Variants in ASCC3 observed in about 807,000 individuals in gnomAD.
ASCC3 encodes activating signal cointegrator 1 complex subunit 3, also known as ASC-1 complex subunit P200.
Under a neutral mutation model 256.3 loss-of-function variants are expected in ASCC3, and 158 were observed. That is an observed-to-expected ratio of 0.62 (90% CI 0.54 to 0.70). The LOEUF (loss-of-function observed/expected upper bound fraction) is 0.70. Among genes scored for constraint, ASCC3 ranks in the 30% least tolerant of loss-of-function variants. ASCC3 has a pLI of 0.00. For missense variants in ASCC3, 2,259 were observed against 2,626.0 expected, an observed-to-expected ratio of 0.86 and a Z score of 3.05; for synonymous variants, 948 against 883.4, an observed-to-expected ratio of 1.07 and a Z score of -1.30.
intron 8 of ASCC3, among the ~76,000 whole-genome samples, chr6:100,770,836 A>T (rs962808162): frequency 1.5e-5 from 2 of 137,818 alleles, no homozygotes; most frequent in African/African-American, 5.5e-5. Flanking sequence ...AAAATTCTTA[A>T]GATGTCTTTT....
intron 4 of ASCC3, among the ~76,000 whole-genome samples, chr6:100,836,648 C>G (rs1199209049): frequency 1.3e-5 from 2 of 151,990 alleles, no homozygotes; most frequent in Non-Finnish European, 1.5e-5. Flanking sequence ...ATTGCTAGTA[C>G]TTTGTTGAGA....
intron 37 of ASCC3, among the ~76,000 whole-genome samples, chr6:100,529,466 TTCAA>T (rs1053938426): frequency 2.0e-5 from 3 of 152,142 alleles, no homozygotes; most frequent in African/African-American, 7.2e-5. Flanking sequence ...GTTACAAATA[TTCAA>T]TCAAATTACC....
intron 10 of ASCC3, among the ~76,000 whole-genome samples, chr6:100,738,839 G>A (rs1562262581): frequency 2.0e-5 from 3 of 152,116 alleles, no homozygotes; most frequent in African/African-American, 7.2e-5. Flanking sequence ...GAAGCTTTTG[G>A]AATGAGACAA....
Position 100,652,834 on chromosome 6 carries a change from T to C in ASCC3, c.2879A>G (p.Lys960Arg). 1 of 1,613,954 alleles carries C rather than the reference T, an allele frequency of 6.2e-7. No homozygotes were observed. Among genetic ancestry groups the C allele is most frequent in the South Asian group, 1.1e-5 (1 of 91,076 alleles). ...REQLVIEVGR[K>R]LDKAQMIRFE... ...ACGAATCATCTGAGCTTTGTCTAGT[T>C]TTCGTCCAACTTCAATGACCAACTG... is the stretch of plus-strand genomic sequence containing the variant. Residue 960 changes from lysine to arginine, a missense_variant, in exon 18 of 42, where the codon AAA (lysine) becomes AGA (arginine). Coordinates refer to ENST00000369162, the MANE Select transcript of ASCC3 (RefSeq NM_006828.4).
At chr6:100,749,154 G>A (rs751317240) in intron 10 of ASCC3, among the ~76,000 whole-genome samples, 3 of 151,974 alleles carry the variant, frequency 2.0e-5, no homozygotes, top group Admixed American at 6.6e-5. Context: ...CCTCTTCCCC[G>A]TCAAACAGTG....
intron 13 of ASCC3, among the ~76,000 whole-genome samples, chr6:100,706,910 A>G (rs769235483): frequency 7.9e-5 from 12 of 152,102 alleles, no homozygotes; most frequent in Non-Finnish European, 1.0e-4. Flanking sequence ...AGATGATTGC[A>G]TTAATGTAAA....
chr6:100,790,516 A>G (rs749810230), intron 8 of ASCC3, among the ~76,000 whole-genome samples: 18 of 152,054 alleles, frequency 1.2e-4, no homozygotes, highest in Admixed American at 2.6e-4. Flanking sequence ...ACCTGTAAAT[A>G]TCAAATATTT....
chr6:100,799,562 G>A lies in ASCC3; in HGVS notation c.1138C>T (p.Leu380Phe). Residue 380 changes from leucine (L) to phenylalanine (F), a missense_variant, in exon 7 of 42, where the codon CTT (leucine) becomes TTT (phenylalanine). Around this residue, in one of 2 missense-constraint regions of ASCC3, gnomAD observed 1,839 missense variants for 2,206.7 expected, o/e 0.83. Coordinates refer to ENST00000369162, the MANE Select transcript of ASCC3 (RefSeq NM_006828.4). ...ATTGGAACACTTCTAGCATTCAGAA[G>A]TGCCTGTTCTCTGTAAACATAAAAA... is the stretch of plus-strand genomic sequence containing the variant. ...KELRIQREQA[L>F]LNARSVPILS... 6.2e-7 allele frequency: 1 copy of A among 1,612,296 alleles called. No individual in the cohort carries two copies. Among genetic ancestry groups the A allele is most frequent in the South Asian group, 1.1e-5 (1 of 91,042 alleles).
In ASCC3 at chr6:100,518,195, C is replaced by A. The variant is rs1236791961; in HGVS notation, c.5776-53G>T. On this transcript the variant is annotated intron_variant, in intron 37 of 41. Coordinates refer to ENST00000369162, the MANE Select transcript of ASCC3 (RefSeq NM_006828.4). ...AGAATTATATCATGGTACTTGCCCC[C>A]TCCACTGGGATTCTGATGTTAGCTT... The A allele has an allele frequency of 3.8e-6, 6 of 1,592,726 alleles. No individual in the cohort carries two copies. The East Asian group carries it at 1.3e-4, about 36-fold the overall frequency.
chr6:100,748,371 C>T (rs528679067), intron 10 of ASCC3, among the ~76,000 whole-genome samples: 2 of 151,710 alleles, frequency 1.3e-5, no homozygotes, highest in Admixed American at 6.6e-5. Flanking sequence ...TTGTTGAAAG[C>T]GAATTATGTA....
At position 100,590,071 on chromosome 6, in the gene ASCC3, G is replaced by T; in HGVS notation, c.5304-12C>A. Reference sequence around the variant, plus strand: ...CCAAATTGTAATAGCTAGAAAACAAGCAAGGTTATTATTATTTGTTTCAAG... The same window carrying T: ...CCAAATTGTAATAGCTAGAAAACAATCAAGGTTATTATTATTTGTTTCAAG... On this transcript the variant is annotated splice_polypyrimidine_tract_variant and intron_variant, in intron 34 of 41. Transcript: ENST00000369162. The T allele has an allele frequency of 6.4e-7, 1 of 1,565,758 alleles. No individual in the cohort carries two copies. Among genetic ancestry groups the T allele is most frequent in the South Asian group, 1.1e-5 (1 of 90,058 alleles).
At chr6:100,868,342 C>T (rs1319547397) in intron 1 of ASCC3, among the ~76,000 whole-genome samples, 1 of 152,176 alleles carries the variant, frequency 6.6e-6, no homozygotes, top group Non-Finnish European at 1.5e-5. Flanking sequence ...AGAGATGAAA[C>T]CACCTGTTCA....
Position 100,606,746 on chromosome 6 carries a change from T to C in ASCC3, c.5038A>G (p.Ile1680Val), listed in dbSNP as rs1772907622. 6.3e-7 allele frequency: 1 copy of C among 1,598,280 alleles called. No individual in the cohort carries two copies. Among genetic ancestry groups the C allele is most frequent in the East Asian group, 2.2e-5 (1 of 44,610 alleles). The change falls in exon 32 of 42, where the codon ATT (isoleucine) becomes GTT (valine). Residue 1680 changes from isoleucine to valine, a missense_variant. Ile to Val is a conservative substitution (Grantham distance 29). Transcript: ENST00000369162. ...GKTRRYVDFP[I>V]TDVLQMMGRA... The stretch of plus-strand genomic sequence containing the variant: ...GTGAATTTAAGAAAATTACCTGTAA[T>C]GGGAAAATCCACATAACGTCTTGTT...
intron 36 of ASCC3, among the ~76,000 whole-genome samples, chr6:100,555,218 TTACTC>T (rs962446840): frequency 1.3e-5 from 2 of 152,098 alleles, no homozygotes; most frequent in African/African-American, 2.4e-5. Flanking sequence ...TGCACATAGT[TTACTC>T]CACTACAATA....
Position 100,798,852 on chromosome 6 carries a change from C to T in ASCC3, c.1270-14G>A. ...TGGCAAAATCATCTATAAACATCAA[C>T]AATAAAAATCCAATAATAATAAAAA... On this transcript the variant is annotated splice_polypyrimidine_tract_variant and intron_variant, in intron 7 of 41. Transcript: ENST00000369162. The T allele has an allele frequency of 6.3e-7, 1 of 1,599,306 alleles. No individual in the cohort carries two copies. Among genetic ancestry groups the T allele is most frequent in the South Asian group, 1.1e-5 (1 of 90,586 alleles).
intron 37 of ASCC3, among the ~76,000 whole-genome samples, chr6:100,534,590 T>C (rs972763714): frequency 3.9e-5 from 6 of 152,218 alleles, no homozygotes; most frequent in African/African-American, 1.4e-4. Flanking sequence ...ATTAGAATAT[T>C]GTAAACAAAT....
At chr6:100,690,384 T>C (rs759491651) in intron 13 of ASCC3, among the ~76,000 whole-genome samples, 3 of 152,098 alleles carry the variant, frequency 2.0e-5, no homozygotes, top group Non-Finnish European at 4.4e-5. Context: ...AACTGTAATG[T>C]ACTACTGAAC....
chr6:100,638,836 C>A lies in ASCC3; in HGVS notation c.3902-15G>T. ...ATCCAGTAATTCTGAAAAGACCCAACAGGATGGCTATACGACAATTGAAAA... is the reference window on the plus strand; with the variant it reads ...ATCCAGTAATTCTGAAAAGACCCAAAAGGATGGCTATACGACAATTGAAAA... On this transcript the variant is annotated splice_polypyrimidine_tract_variant and intron_variant, in intron 24 of 41. Transcript: ENST00000369162. The A allele has an allele frequency of 2.5e-6, 4 of 1,604,646 alleles. No individual in the cohort carries two copies. The highest frequency in any genetic ancestry group is 1.3e-5 in the African/African-American group (1 of 74,864).
chr6:100,719,434 A>T (rs1283258504), intron 11 of ASCC3, among the ~76,000 whole-genome samples: 1 of 151,926 alleles, frequency 6.6e-6, no homozygotes, highest in Non-Finnish European at 1.5e-5. Flanking sequence ...AATGAAAGTG[A>T]TATTTGGTTT....
Sources: allele counts gnomAD v4.1 joint callset (sites outside exome capture counted in the v4.1 genomes callset), GRCh38; gene constraint gnomAD v4.1.1; regional missense constraint gnomAD v4.1.1; transcripts MANE v1.5; gene names NCBI Gene and HGNC (gene_info 2026-07-23, HGNC 2026-07-21).